The following TMEM132D variants were observed in gnomAD, a reference collection of about 807,000 sequenced individuals.
TMEM132D encodes mature OL transmembrane protein.
TMEM132D carries 21 observed loss-of-function variants against 62.3 expected under a neutral mutation model. The observed-to-expected ratio is 0.34, with a 90% CI of 0.24 to 0.49. The LOEUF (loss-of-function observed/expected upper bound fraction) is 0.49, where lower values mean the gene tolerates loss of function less well. Ranked by LOEUF, TMEM132D falls within the 20% of genes least tolerant of loss-of-function variation. The pLI is 0.99. For missense variants in TMEM132D, 1,346 were observed against 1,402.8 expected (o/e 0.96, Z 0.65); for synonymous variants, 621 against 575.6 (o/e 1.08, Z -1.13).
chr12:129,367,445 C>T (rs1299849382), intron 3 of TMEM132D, among the ~76,000 whole-genome samples: 1 of 152,144 alleles, frequency 6.6e-6, no homozygotes, highest in African/African-American at 2.4e-5. Flanking sequence ...AATGCAGCAG[C>T]CAATTGCATT....
chr12:129,392,509 A>G (rs947877447), intron 3 of TMEM132D, among the ~76,000 whole-genome samples: 1 of 152,222 alleles, frequency 6.6e-6, no homozygotes, highest in Non-Finnish European at 1.5e-5. Flanking sequence ...GGGCCTGCAC[A>G]TCCACATGCA....
chr12:129,234,739 G>T (rs1014381732), intron 4 of TMEM132D, among the ~76,000 whole-genome samples: 1 of 152,140 alleles, frequency 6.6e-6, no homozygotes, highest in Admixed American at 6.6e-5. Flanking sequence ...AATCTGATAG[G>T]TTTTAATAAC....
At chr12:129,636,891 G>A (rs1394646725) in intron 2 of TMEM132D, among the ~76,000 whole-genome samples, 2 of 152,084 alleles carry the variant, frequency 1.3e-5, no homozygotes, top group Non-Finnish European at 2.9e-5. Context: ...TAGGACTAAT[G>A]TGGACCAGTT....
intron 5 of TMEM132D, among the ~76,000 whole-genome samples, chr12:129,098,264 G>T (rs977888251): frequency 1.3e-5 from 2 of 152,216 alleles, no homozygotes; most frequent in Admixed American, 6.5e-5. Flanking sequence ...CCAACTGATC[G>T]TTGACAAAGG....
chr12:129,598,766 A>AAAT (rs1440005224), intron 2 of TMEM132D, among the ~76,000 whole-genome samples: 2 of 152,172 alleles, frequency 1.3e-5, no homozygotes, highest in Non-Finnish European at 1.5e-5. Flanking sequence ...ACGATTGCAG[A>AAAT]AATTTTTCTG....
At chr12:129,700,753 G>T in intron 1 of TMEM132D, 55 bp from the exon 2 acceptor site, 1 of 1,523,344 alleles carries the variant, frequency 6.6e-7, no homozygotes, top group Non-Finnish European at 8.8e-7. Flanking sequence ...CCTGTTACCA[G>T]CATTTCAGAC....
In TMEM132D at chr12:129,073,688, G is replaced by A. The variant is rs984501696; in HGVS notation, c.*187C>T. The stretch of plus-strand genomic sequence containing the variant: ...CCTCTTAAGCAAGACACTGTACTCT[G>A]GAATGTGTGCGTCGATGCGGACTCC... On this transcript the variant is annotated 3_prime_UTR_variant, in exon 9 of 9. Coordinates refer to ENST00000422113, the MANE Select transcript of TMEM132D (RefSeq NM_133448.3). 3.7e-6 allele frequency: 2 copies of A among 545,148 alleles called. No homozygotes were observed. The highest frequency in any genetic ancestry group is 2.9e-5 in the East Asian group (1 of 33,998). The allele number at this position is 545,148 out of a possible 1,614,324, so 33.8% of individuals were successfully genotyped here. A position where few individuals can be genotyped will look rare whatever the true frequency, so the allele number is the denominator to read the frequency against.
intron 1 of TMEM132D, among the ~76,000 whole-genome samples, chr12:129,745,450 T>C (rs1022739848): frequency 6.6e-6 from 1 of 152,140 alleles, no homozygotes; most frequent in Non-Finnish European, 1.5e-5. Context: ...ATATCCACCT[T>C]CTCATGACCA....
intron 1 of TMEM132D, among the ~76,000 whole-genome samples, chr12:129,729,904 T>C (rs1037338684): frequency 6.6e-6 from 1 of 152,186 alleles, no homozygotes; most frequent in Non-Finnish European, 1.5e-5. Flanking sequence ...CCTGCCCTTG[T>C]GATAATGTAC....
intron 7 of TMEM132D, among the ~76,000 whole-genome samples, chr12:129,081,457 C>G (rs1469086536): frequency 6.6e-6 from 1 of 152,148 alleles, no homozygotes; most frequent in African/African-American, 2.4e-5. Flanking sequence ...CACCACCACA[C>G]TCGGGTAATT....
chr12:129,769,524 G>C (rs1202454949), intron 1 of TMEM132D, among the ~76,000 whole-genome samples: 1 of 152,156 alleles, frequency 6.6e-6, no homozygotes, highest in African/African-American at 2.4e-5. Context: ...TGGGTACACA[G>C]CCAAACCGTA....
chr12:129,569,226 G>A (rs1332470012), intron 2 of TMEM132D, among the ~76,000 whole-genome samples: 1 of 152,214 alleles, frequency 6.6e-6, no homozygotes, highest in African/African-American at 2.4e-5. Flanking sequence ...TTTACACAAT[G>A]CTAAAGATCT....
chr12:129,572,230 A>G (rs1441669048), intron 2 of TMEM132D, among the ~76,000 whole-genome samples: 1 of 152,226 alleles, frequency 6.6e-6, no homozygotes. Flanking sequence ...CAAAGTAACA[A>G]ACGTGAGTGA....
chr12:129,566,108 T>C (rs1480851587), intron 2 of TMEM132D, among the ~76,000 whole-genome samples: 1 of 152,226 alleles, frequency 6.6e-6, no homozygotes, highest in Non-Finnish European at 1.5e-5. Flanking sequence ...AACACCATTT[T>C]CACTGAAAAG....
At chr12:129,584,287 ATT>A (rs1877957146) in intron 2 of TMEM132D, among the ~76,000 whole-genome samples, 1 of 152,174 alleles carries the variant, frequency 6.6e-6, no homozygotes, top group African/African-American at 2.4e-5. Context: ...TAAGTGATAG[ATT>A]TCTCTTATTT....
At chr12:129,517,529 G>C (rs1409831051) in intron 3 of TMEM132D, among the ~76,000 whole-genome samples, 1 of 152,184 alleles carries the variant, frequency 6.6e-6, no homozygotes, top group Non-Finnish European at 1.5e-5. Flanking sequence ...TTAGCTGCCT[G>C]CTGTTCCTAC....
intron 4 of TMEM132D, among the ~76,000 whole-genome samples, chr12:129,294,822 C>T (rs954046641): frequency 3.3e-5 from 5 of 152,150 alleles, no homozygotes; most frequent in African/African-American, 1.2e-4. Context: ...ATGTACTTTC[C>T]ATCTTTCAAA....
chr12:129,344,990 A>G (rs1392737564), intron 3 of TMEM132D, among the ~76,000 whole-genome samples: 4 of 152,046 alleles, frequency 2.6e-5, no homozygotes, highest in Non-Finnish European at 5.9e-5. Flanking sequence ...ACAAGGATGG[A>G]AATCAGGGGA....
chr12:129,096,096 G>T (rs1330720270), intron 5 of TMEM132D, among the ~76,000 whole-genome samples: 1 of 152,138 alleles, frequency 6.6e-6, no homozygotes, highest in Non-Finnish European at 1.5e-5. Flanking sequence ...AGCCTTCCCA[G>T]GTATGCACAT....
Sources: gnomAD v4.1 joint callset for allele counts (sites outside exome capture counted in the v4.1 genomes callset) on GRCh38, gnomAD v4.1.1 for gene constraint, MANE v1.5 for transcripts, NCBI Gene and HGNC (gene_info 2026-07-23, HGNC 2026-07-21) for gene names.